The following KDM2A variants were observed in gnomAD, a reference collection of about 807,000 sequenced individuals.
KDM2A encodes the protein lysine demethylase 2A.
KDM2A carries 3 observed loss-of-function variants against 137.3 expected under a neutral mutation model. That is an observed-to-expected ratio of 0.02 (90% CI 0.01 to 0.06). KDM2A has a LOEUF of 0.06. Ranked by LOEUF, KDM2A falls within the 10% of genes least tolerant of loss-of-function variation. KDM2A has a pLI of 1.00. For synonymous variants in KDM2A, 512 were observed against 541.5 expected (o/e 0.95, Z 0.76); for missense variants, 738 against 1,510.6 (o/e 0.49, Z 8.48).
At chr11:67,143,966 G>A (rs1329647902) in intron 2 of KDM2A, among the ~76,000 whole-genome samples, 2 of 151,182 alleles carry the variant, frequency 1.3e-5, no homozygotes, top group African/African-American at 4.9e-5. Context: ...TTGTGAGACG[G>A]AGTCTCCCTC....
At chr11:67,244,768 G>A (rs1191825455) in intron 13 of KDM2A, among the ~76,000 whole-genome samples, 2 of 152,050 alleles carry the variant, frequency 1.3e-5, no homozygotes, top group Non-Finnish European at 2.9e-5. Context: ...GGCAGATCAC[G>A]AGGTCAGGAG....
chr11:67,161,954 A>G (rs936364455), intron 2 of KDM2A, among the ~76,000 whole-genome samples: 6 of 151,984 alleles, frequency 3.9e-5, no homozygotes, highest in Non-Finnish European at 7.4e-5. Flanking sequence ...CAGAGATTCA[A>G]CTCAGTTTTC....
intron 11 of KDM2A, among the ~76,000 whole-genome samples, chr11:67,230,169 C>G (rs1858667129): frequency 6.6e-6 from 1 of 150,614 alleles, no homozygotes. Flanking sequence ...GAGCGAGACT[C>G]CGTCTCAAAA....
chr11:67,240,812 G>A (rs1272646976), intron 12 of KDM2A, among the ~76,000 whole-genome samples: 2 of 152,082 alleles, frequency 1.3e-5, no homozygotes, highest in African/African-American at 4.8e-5. Flanking sequence ...AAAGCAGGGC[G>A]TGCTTGGTTG....
At chr11:67,218,008 C>T in intron 9 of KDM2A, 124 bp downstream of exon 9, 1 of 858,170 alleles carries the variant, frequency 1.2e-6, no homozygotes, top group Non-Finnish European at 1.8e-6. Flanking sequence ...GTGTTTCTTC[C>T]TGTCATTATG....
At chr11:67,190,294 C>T (rs1367132208) in intron 5 of KDM2A, among the ~76,000 whole-genome samples, 1 of 152,038 alleles carries the variant, frequency 6.6e-6, no homozygotes, top group African/African-American at 2.4e-5. Flanking sequence ...CCTGTAATCC[C>T]AGCTACTCAG....
chr11:67,163,715 G>A (rs932728659), intron 2 of KDM2A, among the ~76,000 whole-genome samples: 1 of 151,998 alleles, frequency 6.6e-6, no homozygotes, highest in Non-Finnish European at 1.5e-5. Context: ...AATTAGCTGG[G>A]CGTGGTGGTG....
At chr11:67,190,983 T>C (rs776815394) in intron 5 of KDM2A, among the ~76,000 whole-genome samples, 14 of 152,282 alleles carry the variant, frequency 9.2e-5, no homozygotes, top group Non-Finnish European at 1.8e-4. Context: ...CTACCAAACA[T>C]TTAAAGAGGA....
rs756813769 is a variant in KDM2A at position 67,257,815 on chromosome 11, C to A, written c.*2760C>A. 5 of 152,128 alleles carry A rather than the reference C, an allele frequency of 3.3e-5. No individual in the cohort carries two copies. Among genetic ancestry groups the A allele is most frequent in the Admixed American group, 6.5e-5 (1 of 15,278 alleles). The allele number at this position is 152,128 out of a possible 1,614,324, so 9.4% of individuals were successfully genotyped here. On this transcript the variant is annotated 3_prime_UTR_variant, in exon 21 of 21. Coordinates refer to ENST00000529006, the MANE Select transcript of KDM2A (RefSeq NM_012308.3). ...TAAGGGGATAAGTCTTATGCTATCTCAGTTGACACATTGAGGTTATTTTGG... is the reference window on the plus strand; with the variant it reads ...TAAGGGGATAAGTCTTATGCTATCTAAGTTGACACATTGAGGTTATTTTGG...
intron 2 of KDM2A, among the ~76,000 whole-genome samples, chr11:67,151,560 AGGCT>A (rs1320629530): frequency 6.6e-6 from 1 of 151,956 alleles, no homozygotes; most frequent in Non-Finnish European, 1.5e-5. Flanking sequence ...CATGTTGGCC[AGGCT>A]GGTCTTGAAC....
intron 2 of KDM2A, among the ~76,000 whole-genome samples, chr11:67,174,231 C>T (rs542513450): frequency 1.1e-3 from 160 of 152,276 alleles, no homozygotes; most frequent in Middle Eastern, 6.8e-3. Context: ...GCACTCCAGC[C>T]TGGGCGACAG....
intron 9 of KDM2A, among the ~76,000 whole-genome samples, 184 bp from the exon 10 acceptor site, chr11:67,219,104 G>A (rs908980760): frequency 6.6e-6 from 1 of 152,222 alleles, no homozygotes; most frequent in African/African-American, 2.4e-5. Context: ...GCAACCATAA[G>A]AGGTATTATT....
chr11:67,246,525 T>A (rs999991805), intron 15 of KDM2A, among the ~76,000 whole-genome samples: 1 of 151,902 alleles, frequency 6.6e-6, no homozygotes, highest in Non-Finnish European at 1.5e-5. Context: ...AGATAACATT[T>A]AATGAGTGCT....
rs531287108 is a variant in KDM2A, at chr11:67,179,461, C to T, written c.43-618C>T. Reference sequence around the variant, plus strand: ...GCTTATTTTGTATTTTTAGTAGAGACATGGTTTCTCCGTGTTGGTCAGGCT... The same window carrying T: ...GCTTATTTTGTATTTTTAGTAGAGATATGGTTTCTCCGTGTTGGTCAGGCT... On this transcript the variant is annotated intron_variant, in intron 2 of 20. Coordinates refer to ENST00000529006, the MANE Select transcript of KDM2A (RefSeq NM_012308.3). Among the ~76,000 whole-genome samples the T allele has an allele frequency of 6.6e-5, 10 of 152,232 alleles. No homozygotes were observed. The East Asian group carries it at 1.7e-3, about 27-fold the overall frequency.
At chr11:67,200,792 C>T (rs1036841271) in intron 5 of KDM2A, among the ~76,000 whole-genome samples, 4 of 152,196 alleles carry the variant, frequency 2.6e-5, no homozygotes, top group Admixed American at 2.0e-4. Flanking sequence ...CAGGCATGAG[C>T]TACCATGCCT....
At chr11:67,253,633 T>A in intron 19 of KDM2A, 22 bp downstream of exon 19, 1 of 1,610,694 alleles carries the variant, frequency 6.2e-7, no homozygotes, top group East Asian at 2.2e-5. Context: ...ACCTGACTTC[T>A]CTGTGCTTGT....
chr11:67,149,269 C>A (rs1054900755), intron 2 of KDM2A: 1 of 151,984 alleles, frequency 6.6e-6, no homozygotes, highest in South Asian at 2.1e-4. Context: ...ACTTCTTAAC[C>A]TTTCTGAGTC....
chr11:67,167,094 G>A (rs973739376), intron 2 of KDM2A, among the ~76,000 whole-genome samples: 7 of 152,074 alleles, frequency 4.6e-5, no homozygotes, highest in Non-Finnish European at 1.0e-4. Context: ...AAATTAAAAA[G>A]TTTAATATTG....
At chr11:67,226,940 A>G (rs1490132303) in intron 10 of KDM2A, among the ~76,000 whole-genome samples, 1 of 152,112 alleles carries the variant, frequency 6.6e-6, no homozygotes, top group Non-Finnish European at 1.5e-5. Context: ...CCCTGTCTCT[A>G]AAAGTTAAAA....
Sources: allele counts gnomAD v4.1 joint callset (sites outside exome capture counted in the v4.1 genomes callset), GRCh38; gene constraint gnomAD v4.1.1; transcripts MANE v1.5; gene names NCBI Gene and HGNC (gene_info 2026-07-23, HGNC 2026-07-21).